Variants in RBMS3 observed in about 807,000 individuals in gnomAD.
RBMS3 encodes RNA-binding motif, single-stranded-interacting protein 3.
A neutral mutation model predicts 66.8 loss-of-function variants in RBMS3; 27 were observed. That is an observed-to-expected ratio of 0.40 (90% confidence interval 0.30 to 0.56). The LOEUF is 0.56. Ranked by LOEUF, RBMS3 falls within the 20% of genes least tolerant of loss-of-function variation. The pLI is 0.40. For missense variants in RBMS3, 513 were observed against 549.5 expected, an observed-to-expected ratio of 0.93 and a Z score of 0.66; for synonymous variants, 188 against 183.0, an observed-to-expected ratio of 1.03 and a Z score of -0.22.
chr3:29,949,211 T>G (rs576489059), intron 12 of RBMS3, among the ~76,000 whole-genome samples: 1 of 151,578 alleles, frequency 6.6e-6, no homozygotes, highest in Non-Finnish European at 1.5e-5. Context: ...TTTGTTTTGT[T>G]TTGTTTTCAG....
intron 5 of RBMS3, 113 bp downstream of exon 5, chr3:29,739,990 A>G (rs1576664201): frequency 1.1e-6 from 1 of 871,552 alleles, no homozygotes; most frequent in African/African-American, 1.7e-5. Flanking sequence ...AAAAAAAAAA[A>G]TTAAAAGTAG....
At chr3:29,397,979 G>A (rs2039633680) in intron 1 of RBMS3, among the ~76,000 whole-genome samples, 1 of 152,156 alleles carries the variant, frequency 6.6e-6, no homozygotes, top group Admixed American at 6.6e-5. Flanking sequence ...ACTATGATAA[G>A]GAAGGATATG....
At chr3:29,508,902 C>T (rs561504552) in intron 3 of RBMS3, among the ~76,000 whole-genome samples, 8 of 137,466 alleles carry the variant, frequency 5.8e-5, no homozygotes, top group Middle Eastern at 3.6e-3. Flanking sequence ...CTAACTGGCG[C>T]GAGATGGTAT....
At chr3:29,799,860 T>A (rs2057333538) in intron 6 of RBMS3, among the ~76,000 whole-genome samples, 1 of 152,174 alleles carries the variant, frequency 6.6e-6, no homozygotes. Flanking sequence ...CATCTCCACA[T>A]CCTCTGGCCC....
intron 1 of RBMS3, among the ~76,000 whole-genome samples, chr3:29,290,173 CAT>C (rs2032701677): frequency 6.6e-6 from 1 of 151,786 alleles, no homozygotes. Flanking sequence ...ACTTGTCAAT[CAT>C]ATAAATGGTA....
At chr3:29,320,653 T>C (rs1441670851) in intron 1 of RBMS3, among the ~76,000 whole-genome samples, 1 of 152,088 alleles carries the variant, frequency 6.6e-6, no homozygotes, top group Admixed American at 6.6e-5. Context: ...ATGTTAGTTA[T>C]TTATTAGCAA....
intron 6 of RBMS3, among the ~76,000 whole-genome samples, chr3:29,867,353 C>A (rs988915833): frequency 1.3e-5 from 2 of 151,306 alleles, no homozygotes; most frequent in African/African-American, 4.9e-5. Context: ...ATAAAGATTT[C>A]TTTAGCTTAC....
intron 4 of RBMS3, among the ~76,000 whole-genome samples, chr3:29,597,394 G>A (rs1473077070): frequency 1.3e-5 from 2 of 152,118 alleles, no homozygotes; most frequent in South Asian, 2.1e-4. Context: ...ACTATGATGT[G>A]TATCACTTGG....
intron 1 of RBMS3, among the ~76,000 whole-genome samples, chr3:29,325,805 A>G (rs1389022218): frequency 6.6e-6 from 1 of 152,078 alleles, no homozygotes; most frequent in East Asian, 1.9e-4. Context: ...AATATTGGCA[A>G]TTTCATACTA....
chr3:29,771,702 G>C (rs1380046916), intron 6 of RBMS3, among the ~76,000 whole-genome samples: 1 of 151,928 alleles, frequency 6.6e-6, no homozygotes, highest in Non-Finnish European at 1.5e-5. Flanking sequence ...GTTGGCTCCT[G>C]GTTCCACAGG....
chr3:29,470,741 A>C (rs2042696246), intron 2 of RBMS3, among the ~76,000 whole-genome samples: 1 of 152,124 alleles, frequency 6.6e-6, no homozygotes, highest in Non-Finnish European at 1.5e-5. Context: ...GATATACTTG[A>C]AATAAAAATG....
chr3:29,410,892 C>T lies in RBMS3; in HGVS notation c.76-23851C>T, dbSNP rs1053766368. On this transcript the variant is annotated intron_variant, in intron 1 of 14. Transcript: ENST00000383767. ...GAAGGTTTTGGGAAAGACAGGGGCA[C>T]GGTGATATTTTGGCAAGCTTGCCTA... is the stretch of plus-strand genomic sequence containing the variant. Among the ~76,000 whole-genome samples the T allele has an allele frequency of 2.0e-5, 3 of 149,584 alleles. No individual in the cohort carries two copies. In the South Asian group the frequency reaches 6.4e-4, roughly 32 times the overall value.
chr3:29,575,069 A>G (rs2047073030), intron 3 of RBMS3, among the ~76,000 whole-genome samples: 2 of 152,070 alleles, frequency 1.3e-5, no homozygotes, highest in African/African-American at 2.4e-5. Context: ...TTTTCTGCAT[A>G]TTTACTATTA....
chr3:29,704,444 G>C lies in RBMS3; in HGVS notation c.400-35276G>C, dbSNP rs149632996. Among the ~76,000 whole-genome samples, 751 of 152,258 alleles carry C rather than the reference G, an allele frequency of 4.9e-3. 2 individuals are homozygous for C. The highest frequency in any genetic ancestry group is 8.3e-3 in the South Asian group (40 of 4,818). The stretch of plus-strand genomic sequence containing the variant: ...TTACACATTTCCATTTAAATGTCTA[G>C]TTATTTTTTAAAGATAAAAACAACC... On this transcript the variant is annotated intron_variant, in intron 4 of 14. Coordinates refer to ENST00000383767, the MANE Select transcript of RBMS3 (RefSeq NM_001003793.3).
At chr3:29,999,394 C>T (rs1349955151) in intron 14 of RBMS3, among the ~76,000 whole-genome samples, 2 of 152,092 alleles carry the variant, frequency 1.3e-5, no homozygotes, top group Non-Finnish European at 2.9e-5. Flanking sequence ...ACCATTTGAC[C>T]CAGCCATCCC....
At chr3:29,961,067 A>G (rs1342472719) in intron 12 of RBMS3, among the ~76,000 whole-genome samples, 2 of 152,148 alleles carry the variant, frequency 1.3e-5, no homozygotes, top group Admixed American at 6.5e-5. Context: ...TAGCATTGTC[A>G]AGATGCAAAT....
At chr3:29,288,800 T>G (rs1473687559) in intron 1 of RBMS3, among the ~76,000 whole-genome samples, 1 of 151,958 alleles carries the variant, frequency 6.6e-6, no homozygotes, top group African/African-American at 2.4e-5. Context: ...AATCTCAGAA[T>G]AGTAGCCTAG....
chr3:29,316,133 A>G (rs975104235), intron 1 of RBMS3, among the ~76,000 whole-genome samples: 7 of 151,710 alleles, frequency 4.6e-5, no homozygotes, highest in African/African-American at 1.7e-4. Context: ...TGCCTAGTCC[A>G]GCCATAAACA....
chr3:29,392,489 G>T (rs909454832), intron 1 of RBMS3, among the ~76,000 whole-genome samples: 1 of 152,006 alleles, frequency 6.6e-6, no homozygotes, highest in African/African-American at 2.4e-5. Flanking sequence ...GAGTCATTCA[G>T]TAAATATTTG....
Sources: allele counts gnomAD v4.1 joint callset (sites outside exome capture counted in the v4.1 genomes callset), GRCh38; gene constraint gnomAD v4.1.1; transcripts MANE v1.5; gene names NCBI Gene and HGNC (gene_info 2026-07-23, HGNC 2026-07-21).